Variants in UVRAG observed in about 807,000 individuals in gnomAD.
UVRAG encodes the protein UV radiation resistance-associated gene protein.
In UVRAG, 19 loss-of-function variants were observed where a neutral mutation model predicts 78.0. That is an observed-to-expected ratio of 0.24 (90% CI 0.17 to 0.36). The LOEUF (loss-of-function observed/expected upper bound fraction) is 0.36, where lower values mean the gene tolerates loss of function less well. Ranked by LOEUF, UVRAG falls within the 10% of genes least tolerant of loss-of-function variation. The pLI is 1.00. For missense variants in UVRAG, 740 were observed against 853.8 expected, an observed-to-expected ratio of 0.87 and a Z score of 1.66; for synonymous variants, 323 against 324.6, an observed-to-expected ratio of 1.00 and a Z score of 0.05.
intron 14 of UVRAG, among the ~76,000 whole-genome samples, chr11:76,127,774 T>C (rs780004107): frequency 2.5e-4 from 38 of 151,970 alleles, no homozygotes; most frequent in African/African-American, 6.3e-4. Context: ...CTGACCAACA[T>C]GGTGAAACCC....
intron 12 of UVRAG, among the ~76,000 whole-genome samples, chr11:76,046,085 G>C (rs1008498160): frequency 1.3e-5 from 2 of 152,244 alleles, no homozygotes; most frequent in South Asian, 4.1e-4. Context: ...CTGAAAGTTA[G>C]AAAGCAATGG....
chr11:75,851,154 A>G (rs1451929302), intron 1 of UVRAG, among the ~76,000 whole-genome samples: 2 of 152,234 alleles, frequency 1.3e-5, no homozygotes, highest in Admixed American at 6.5e-5. Context: ...TCTTTTTGAT[A>G]TATGAGTTGA....
At chr11:76,112,592 GC>G (rs1321479498) in intron 13 of UVRAG, among the ~76,000 whole-genome samples, 1 of 152,188 alleles carries the variant, frequency 6.6e-6, no homozygotes, top group Non-Finnish European at 1.5e-5. Context: ...CTAGCTAGCA[GC>G]CAGTTCAGTT....
chr11:76,141,013 A>T lies in UVRAG; in HGVS notation c.1700A>T (p.Asp567Val), dbSNP rs760617410. ...FSKENKKKGE[D>V]LVGSLNGGHA... ...AAAGAAAACAAGAAAAAAGGAGAGGATCTAGTTGGCAGCTTAAACGGAGGC... is the reference window on the plus strand; with the variant it reads ...AAAGAAAACAAGAAAAAAGGAGAGGTTCTAGTTGGCAGCTTAAACGGAGGC... Residue 567 changes from aspartate to valine, a missense_variant, in exon 15 of 15, where the codon GAT becomes GTT. By Grantham distance (152) the Asp-to-Val change is radical. Coordinates refer to ENST00000356136, the MANE Select transcript of UVRAG (RefSeq NM_003369.4). 11 of 1,614,136 alleles carry T rather than the reference A, an allele frequency of 6.8e-6. No homozygotes were observed. The East Asian group carries it at 2.5e-4, about 36-fold the overall frequency.
chr11:76,081,897 G>A (rs1951500922), intron 13 of UVRAG, among the ~76,000 whole-genome samples: 1 of 143,874 alleles, frequency 7.0e-6, no homozygotes, highest in African/African-American at 2.6e-5. Flanking sequence ...CAATGATAGG[G>A]ACGAATTTCA....
At chr11:75,965,495 T>C (rs1421770197) in intron 7 of UVRAG, among the ~76,000 whole-genome samples, 2 of 152,130 alleles carry the variant, frequency 1.3e-5, no homozygotes, top group African/African-American at 4.8e-5. Context: ...AAAAATATTT[T>C]TAGTAGAGAC....
chr11:75,839,851 A>G lies in UVRAG; in HGVS notation c.118-12032A>G, dbSNP rs144848770. On this transcript the variant is annotated intron_variant, in intron 1 of 14. Transcript: ENST00000356136. ...TATATATATATATACACACCCCCAC[A>G]CATATATATATAGAGAGAGAGAGAG... Among the ~76,000 whole-genome samples, 1,016 of 142,042 alleles carry G rather than the reference A, an allele frequency of 7.2e-3. 22 individuals carry two copies. Among genetic ancestry groups the G allele is most frequent in the East Asian group, 0.065 (315 of 4,848 alleles). The allele number at this position is 142,042 out of a possible 152,430, so 93.2% of individuals were successfully genotyped here.
chr11:75,889,683 A>G (rs1159729337), intron 5 of UVRAG, among the ~76,000 whole-genome samples: 1 of 152,178 alleles, frequency 6.6e-6, no homozygotes, highest in Admixed American at 6.5e-5. Flanking sequence ...TTATTCAACA[A>G]CATTTTATTG....
At chr11:76,037,185 A>G (rs1950549565) in intron 12 of UVRAG, among the ~76,000 whole-genome samples, 1 of 152,190 alleles carries the variant, frequency 6.6e-6, no homozygotes, top group Non-Finnish European at 1.5e-5. Flanking sequence ...AATATCTTTC[A>G]TACTAAGTTG....
chr11:76,137,171 C>T, intron 14 of UVRAG: 1 of 357,412 alleles, frequency 2.8e-6, no homozygotes, highest in South Asian at 2.2e-5. Flanking sequence ...CCTGTTTACT[C>T]ATACTTTGCA....
chr11:75,972,170 CCAGTCTGTGGCTTGTCTTTACTCTTAACA>C (rs1949135700), intron 7 of UVRAG, among the ~76,000 whole-genome samples: 1 of 151,886 alleles, frequency 6.6e-6, no homozygotes, highest in Non-Finnish European at 1.5e-5. Context: ...AGTTTTTCTC[CCAGTCTGTGGCTTGTCTTTACTCTTAACA>C]CAGTATCTTT....
At chr11:75,828,565 C>A (rs1187030645) in intron 1 of UVRAG, among the ~76,000 whole-genome samples, 2 of 151,176 alleles carry the variant, frequency 1.3e-5, no homozygotes, top group South Asian at 2.1e-4. Flanking sequence ...GCAATCTTGA[C>A]CTCCCTGGGC....
chr11:76,023,623 T>A (rs1485818632), intron 12 of UVRAG, among the ~76,000 whole-genome samples: 1 of 152,010 alleles, frequency 6.6e-6, no homozygotes, highest in Non-Finnish European at 1.5e-5. Flanking sequence ...AGAATAAGAA[T>A]CTGATCAAAA....
chr11:75,975,126 TA>T (rs1949210051), intron 7 of UVRAG, among the ~76,000 whole-genome samples: 1 of 152,048 alleles, frequency 6.6e-6, no homozygotes, highest in African/African-American at 2.4e-5. Context: ...CACCATTTAT[TA>T]AATAGGATTT....
intron 12 of UVRAG, among the ~76,000 whole-genome samples, chr11:76,058,635 A>C (rs549382654): frequency 3.8e-4 from 58 of 152,306 alleles, no homozygotes; most frequent in Non-Finnish European, 6.9e-4. Context: ...AGCATGAGGC[A>C]GCAAGAACAA....
intron 6 of UVRAG, among the ~76,000 whole-genome samples, chr11:75,943,575 T>C (rs530128839): frequency 2.0e-5 from 3 of 152,252 alleles, no homozygotes; most frequent in South Asian, 4.1e-4. Flanking sequence ...AATGAGTTAG[T>C]TGAGATGTAA....
At chr11:76,018,551 GGCACGCACCA>G (rs1482599516) in intron 12 of UVRAG, among the ~76,000 whole-genome samples, 1 of 152,080 alleles carries the variant, frequency 6.6e-6, no homozygotes, top group Non-Finnish European at 1.5e-5. Flanking sequence ...TGGGAATACA[GGCACGCACCA>G]GCACGCCCAG....
intron 7 of UVRAG, among the ~76,000 whole-genome samples, chr11:75,962,477 A>T (rs564571137): frequency 6.6e-6 from 1 of 152,306 alleles, no homozygotes; most frequent in Non-Finnish European, 1.5e-5. Flanking sequence ...TTAATATATT[A>T]GTTCAAACTG....
intron 5 of UVRAG, among the ~76,000 whole-genome samples, chr11:75,902,481 T>C (rs1042809417): frequency 2.0e-5 from 3 of 152,202 alleles, no homozygotes; most frequent in Admixed American, 6.5e-5. Flanking sequence ...ACCCCTGATA[T>C]AGCTTGTTAC....
Sources: allele counts gnomAD v4.1 joint callset (sites outside exome capture counted in the v4.1 genomes callset), GRCh38; gene constraint gnomAD v4.1.1; transcripts MANE v1.5; gene names NCBI Gene and HGNC (gene_info 2026-07-23, HGNC 2026-07-21).